The following FAM193B variants were observed in gnomAD, a reference collection of about 807,000 sequenced individuals.
The protein encoded by FAM193B is protein FAM193B.
A neutral mutation model predicts 70.7 loss-of-function variants in FAM193B; 27 were observed. The observed-to-expected ratio is 0.38, with a 90% CI of 0.28 to 0.53. The LOEUF is 0.53. FAM193B is among the 20% of genes least tolerant of loss of function. The pLI is 0.81. For missense variants in FAM193B, 1,022 were observed against 1,072.5 expected, an observed-to-expected ratio of 0.95 and a Z score of 0.66; for synonymous variants, 448 against 436.0, an observed-to-expected ratio of 1.03 and a Z score of -0.34.
intron 4 of FAM193B, among the ~76,000 whole-genome samples, chr5:177,535,761 A>G (rs1210434839): frequency 1.3e-5 from 2 of 152,254 alleles, no homozygotes; most frequent in Admixed American, 6.5e-5. Context: ...CACGAAAGGT[A>G]TATCAAATAT....
chr5:177,547,969 C>T (rs892782371), intron 1 of FAM193B, among the ~76,000 whole-genome samples: 1 of 152,130 alleles, frequency 6.6e-6, no homozygotes, highest in African/African-American at 2.4e-5. Context: ...ACCGAAGGCA[C>T]ACACACAGGG....
Position 177,524,790 on chromosome 5 carries a change from T to TTTTTAATGATAC in FAM193B, c.1690_1691insGTATCATTAAAA (p.His564delinsArgIleIleLysAsn). On this transcript the variant is annotated protein_altering_variant, in exon 6 of 9. Coordinates refer to ENST00000514747, the MANE Select transcript of FAM193B (RefSeq NM_001190946.3). ...CCCCCTCACCTCTGTCCATGGTGGG[T>TTTTTAATGATAC]GGGGGCCTCTCATTTCTGCCCATGG... The TTTTTAATGATAC allele has an allele frequency of 6.6e-7, 1 of 1,514,800 alleles. No individual in the cohort carries two copies. Among genetic ancestry groups the TTTTTAATGATAC allele is most frequent in the South Asian group, 1.3e-5 (1 of 74,650 alleles). 93.8% of individuals were successfully genotyped at this position (1,514,800 alleles called of 1,614,324 possible).
chr5:177,543,852 T>C (rs1005999644), intron 1 of FAM193B, among the ~76,000 whole-genome samples: 1 of 152,258 alleles, frequency 6.6e-6, no homozygotes, highest in African/African-American at 2.4e-5. Flanking sequence ...TTTTAGCACC[T>C]GGCACAGTAT....
Position 177,532,536 on chromosome 5 carries a change from G to A in FAM193B, c.1182C>T (p.Ser394=). The part of the protein sequence containing the change: ...DEGLGEEEDS[S]SERSSCTSSS... ...ATGAGGTGCAGGAGCTTCGCTCAGA[G>A]CTGCTATCCTCTTCCTCACCCAGCC... is the stretch of plus-strand genomic sequence containing the variant. The change falls in exon 5 of 9, where the codon AGC becomes AGT. Residue 394 remains serine (S), a synonymous_variant. Coordinates refer to ENST00000514747, the MANE Select transcript of FAM193B (RefSeq NM_001190946.3). The surrounding 1 kb of genome is among the most constrained non-coding windows in gnomAD (Gnocchi z 4.9). 1 of 1,607,814 alleles carries A rather than the reference G, an allele frequency of 6.2e-7. No individual in the cohort carries two copies. The highest frequency in any genetic ancestry group is 1.1e-5 in the South Asian group (1 of 89,466).
In FAM193B at chr5:177,539,098, T is replaced by A. The variant is rs746699320; in HGVS notation, c.260A>T (p.His87Leu). The change falls in exon 2 of 9, where the codon CAC (histidine) becomes CTC (leucine). Residue 87 changes from histidine to leucine, a missense_variant. Coordinates refer to ENST00000514747, the MANE Select transcript of FAM193B (RefSeq NM_001190946.3). ...TTCTTCCCAGCCTTTGCGTTCCCGG[T>A]GACACAGCAGGCAGCAAGTCTGCAC... is the stretch of plus-strand genomic sequence containing the variant. ...QPVQTCCLLC[H>L]RERKGWEEGP... 1.2e-6 allele frequency: 2 copies of A among 1,608,148 alleles called. No individual in the cohort carries two copies. Among genetic ancestry groups the A allele is most frequent in the Non-Finnish European group, 1.7e-6 (2 of 1,177,020 alleles).
At chr5:177,546,494 G>A (rs188961172) in intron 1 of FAM193B, among the ~76,000 whole-genome samples, 1 of 152,334 alleles carries the variant, frequency 6.6e-6, no homozygotes, top group East Asian at 1.9e-4. Context: ...TCAACACAAA[G>A]GCAGAATTTA....
At chr5:177,530,042 T>C (rs140887644) in intron 5 of FAM193B, among the ~76,000 whole-genome samples, 8 of 152,308 alleles carry the variant, frequency 5.3e-5, no homozygotes, top group African/African-American at 1.9e-4. Context: ...AACTAGCTGG[T>C]TGTTACACCC....
chr5:177,553,211 T>TG, intron 1 of FAM193B: 1 of 985,896 alleles, frequency 1.0e-6, no homozygotes, highest in Non-Finnish European at 1.2e-6. Context: ...TCAAGAGCCA[T>TG]GCCTTCTGGC....
At position 177,523,979 on chromosome 5, in the gene FAM193B, G is replaced by C. The variant is rs771782220; in HGVS notation, c.2350C>G (p.Arg784Gly). ...TACCTCTTAAAGTACTCCACCTCTC[G>C]GTCAGTCTCATCCATCTCCACCCCG... is the stretch of plus-strand genomic sequence containing the variant. Reference protein sequence around the residue: ...MDGVEMDETDREVEYFKRFCL... With the variant: ...MDGVEMDETDGEVEYFKRFCL... The change falls in exon 7 of 9, where the codon CGA (arginine) becomes GGA (glycine). Residue 784 changes from arginine (R) to glycine (G), a missense_variant. Physicochemically the swap from Arg to Gly is moderately radical, Grantham distance 125 (BLOSUM62 -2). Transcript: ENST00000514747. 6.2e-7 allele frequency: 1 copy of C among 1,614,002 alleles called. No homozygotes were observed. Among genetic ancestry groups the C allele is most frequent in the Non-Finnish European group, 8.5e-7 (1 of 1,179,890 alleles).
At chr5:177,530,169 T>C (rs1340063403) in intron 5 of FAM193B, among the ~76,000 whole-genome samples, 1 of 152,198 alleles carries the variant, frequency 6.6e-6, no homozygotes, top group East Asian at 1.9e-4. Context: ...GGGGCTCATC[T>C]GGCAGGAGGG....
At chr5:177,553,849 C>T (rs772157440) in intron 1 of FAM193B, 1 of 1,275,294 alleles carries the variant, frequency 7.8e-7, no homozygotes. Context: ...AGGGAAGAGG[C>T]TGCAGTCGTC....
chr5:177,549,359 A>T (rs1441028420), intron 1 of FAM193B, among the ~76,000 whole-genome samples: 1 of 151,590 alleles, frequency 6.6e-6, no homozygotes, highest in Non-Finnish European at 1.5e-5. Flanking sequence ...TGCCCGGCTA[A>T]TTTTTTTGTA....
intron 1 of FAM193B, among the ~76,000 whole-genome samples, chr5:177,552,820 A>C (rs1215360750): frequency 6.6e-6 from 1 of 152,216 alleles, no homozygotes; most frequent in African/African-American, 2.4e-5. Context: ...TAAAAACCTT[A>C]TTGTGATCTG....
At chr5:177,529,508 C>G (rs1359818541) in intron 5 of FAM193B, among the ~76,000 whole-genome samples, 1 of 152,116 alleles carries the variant, frequency 6.6e-6, no homozygotes, top group Non-Finnish European at 1.5e-5. Flanking sequence ...GCAGGGCTGC[C>G]TGGTTCTGCC....
At position 177,532,363 on chromosome 5, in the gene FAM193B, G is replaced by A; in HGVS notation, c.1275+80C>T. 2 of 1,525,162 alleles carry A rather than the reference G, an allele frequency of 1.3e-6. No individual in the cohort carries two copies. Among genetic ancestry groups the A allele is most frequent in the Admixed American group, 2.3e-5 (1 of 43,804 alleles). The allele number at this position is 1,525,162 out of a possible 1,614,324, so 94.5% of individuals were successfully genotyped here. A position where few individuals can be genotyped will look rare whatever the true frequency, so the allele number is the denominator to read the frequency against. ...GGTAATTACCACCGTGAGCAACGGGGTCTCTGGGGAGAGCAGGGTGCTCCT... is the reference window on the plus strand; with the variant it reads ...GGTAATTACCACCGTGAGCAACGGGATCTCTGGGGAGAGCAGGGTGCTCCT... On this transcript the variant is annotated intron_variant, in intron 5 of 8. Coordinates refer to ENST00000514747, the MANE Select transcript of FAM193B (RefSeq NM_001190946.3). This position sits in a 1 kb window ranked among gnomAD's most constrained non-coding sequence, Gnocchi z 4.9.
At position 177,524,782 on chromosome 5, in the gene FAM193B, A is replaced by G. The variant is rs372016990; in HGVS notation, c.1699T>C (p.Trp567Arg). ...WAEMRGPHPP[W>R]TEVRGPPPGI... ...GGAGGGGGCCCCCTCACCTCTGTCC[A>G]TGGTGGGTGGGGGCCTCTCATTTCT... Residue 567 changes from tryptophan (W) to arginine (R), a missense_variant, in exon 6 of 9, where the codon TGG becomes CGG. Trp to Arg is a moderately radical substitution (Grantham distance 101). Coordinates refer to ENST00000514747, the MANE Select transcript of FAM193B (RefSeq NM_001190946.3). 3.3e-5 allele frequency: 50 copies of G among 1,518,738 alleles called. No homozygotes were observed. The highest frequency in any genetic ancestry group is 2.3e-5 in the Admixed American group (1 of 44,150). The allele number at this position is 1,518,738 out of a possible 1,614,324, so 94.1% of individuals were successfully genotyped here. A position where few individuals can be genotyped will look rare whatever the true frequency, so the allele number is the denominator to read the frequency against.
Position 177,549,745 on chromosome 5 carries a change from A to G in FAM193B, c.210+4504T>C, listed in dbSNP as rs1348775306. ...AGAGCTGGGATCGGTTAGTGTCTGC[A>G]CAATAAATGCCATGTGAAATAAAAC... is the stretch of plus-strand genomic sequence containing the variant. On this transcript the variant is annotated intron_variant, in intron 1 of 8. Transcript: ENST00000514747. 2.0e-5 allele frequency among the ~76,000 whole-genome samples: 3 copies of G among 152,336 alleles called. No homozygotes were observed. The East Asian group carries it at 5.8e-4, about 29-fold the overall frequency.
At position 177,524,705 on chromosome 5, in the gene FAM193B, G is replaced by A. The variant is rs1462784267; in HGVS notation, c.1776C>T (p.Asn592=). Residue 592 remains asparagine (N), a synonymous_variant, in exon 6 of 9, where the codon AAC becomes AAT. Transcript: ENST00000514747. ...GLVRRLNTVP[N]LSRVIWVKTP... ...TCTTGACCCAGATCACCCGGGATAG[G>A]TTGGGCACGGTGTTGAGTCTCCTCA... is the stretch of plus-strand genomic sequence containing the variant. 1.9e-6 allele frequency: 3 copies of A among 1,592,298 alleles called. No homozygotes were observed. Among genetic ancestry groups the A allele is most frequent in the Non-Finnish European group, 1.7e-6 (2 of 1,170,718 alleles).
chr5:177,546,926 C>A (rs1447925619), intron 1 of FAM193B, among the ~76,000 whole-genome samples: 1 of 152,242 alleles, frequency 6.6e-6, no homozygotes, highest in South Asian at 2.1e-4. Flanking sequence ...TTACCTGAAT[C>A]CTCAGGTCAA....
Sources: gnomAD v4.1 joint callset for allele counts (sites outside exome capture counted in the v4.1 genomes callset) on GRCh38, gnomAD v4.1.1 for gene constraint, Gnocchi (gnomAD v3.1) non-coding constraint, MANE v1.5 for transcripts, NCBI Gene and HGNC (gene_info 2026-07-23, HGNC 2026-07-21) for gene names.